Variants in ZNF710 observed in about 807,000 individuals in gnomAD.
ZNF710 encodes the protein zinc finger protein 710.
Under a neutral mutation model 50.6 loss-of-function variants are expected in ZNF710, and 13 were observed. The ratio of observed to expected loss-of-function variants is 0.26; its 90% CI spans 0.17 to 0.41. The LOEUF (loss-of-function observed/expected upper bound fraction) is 0.41. Among genes scored for constraint, ZNF710 ranks in the 10% least tolerant of loss-of-function variants. The pLI is 1.00. For synonymous variants in ZNF710, 383 were observed against 397.0 expected (o/e 0.96, Z 0.42); for missense variants, 721 against 936.6 (o/e 0.77, Z 3.01).
intron 4 of ZNF710, 138 bp from the exon 5 acceptor site, chr15:90,079,522 G>A: frequency 2.8e-6 from 3 of 1,070,298 alleles, no homozygotes; most frequent in Non-Finnish European, 2.7e-6. Flanking sequence ...AGGGTGGGAA[G>A]GCTGAGAGGC....
intron 1 of ZNF710, among the ~76,000 whole-genome samples, chr15:90,046,053 A>T (rs1899450522): frequency 6.6e-6 from 1 of 151,996 alleles, no homozygotes; most frequent in Non-Finnish European, 1.5e-5. Context: ...CAGGGTTCCC[A>T]GGGGCCCCAG....
chr15:90,050,395 G>A (rs960248257), intron 1 of ZNF710, among the ~76,000 whole-genome samples: 6 of 152,162 alleles, frequency 3.9e-5, no homozygotes, highest in African/African-American at 1.2e-4. Flanking sequence ...GCTTCTGTCC[G>A]CTTTCCCTTC....
At chr15:90,077,945 C>T (rs1369191148) in intron 4 of ZNF710, among the ~76,000 whole-genome samples, 2 of 151,946 alleles carry the variant, frequency 1.3e-5, no homozygotes, top group African/African-American at 4.8e-5. Context: ...CAGTGGCTCA[C>T]GCCTGTAATC....
chr15:90,038,846 A>C (rs748259516), intron 1 of ZNF710, among the ~76,000 whole-genome samples: 1 of 152,138 alleles, frequency 6.6e-6, no homozygotes, highest in Non-Finnish European at 1.5e-5. Context: ...AACTCACCTG[A>C]TAATTGCTTC....
chr15:90,071,972 C>A (rs1900406272), intron 2 of ZNF710, among the ~76,000 whole-genome samples: 1 of 152,052 alleles, frequency 6.6e-6, no homozygotes, highest in Non-Finnish European at 1.5e-5. Flanking sequence ...CCGTGCCCGG[C>A]CTTTTTCAAA....
In ZNF710 at chr15:90,002,737, T is replaced by G. The variant is rs190324535; in HGVS notation, c.-29+1123T>G. Among the ~76,000 whole-genome samples the G allele has an allele frequency of 9.2e-5, 14 of 152,348 alleles. No individual in the cohort carries two copies. The East Asian group carries it at 2.7e-3, about 29-fold the overall frequency. On this transcript the variant is annotated intron_variant, in intron 1 of 4. Transcript: ENST00000268154. ...TTTATGGGCGCTGCAACTGCTTCCC[T>G]CCAGTCTAAGCTGTAGTTTGGAAAG...
intron 1 of ZNF710, among the ~76,000 whole-genome samples, chr15:90,033,297 A>T (rs1899002199): frequency 6.6e-5 from 10 of 152,202 alleles, no homozygotes. Context: ...AAGGATTAAG[A>T]TGAATCAAAC....
At chr15:90,022,906 T>A (rs1232361328) in intron 1 of ZNF710, among the ~76,000 whole-genome samples, 1 of 152,222 alleles carries the variant, frequency 6.6e-6, no homozygotes, top group Non-Finnish European at 1.5e-5. Context: ...CATTTGAGAA[T>A]GTAGAAAGCT....
intron 2 of ZNF710, among the ~76,000 whole-genome samples, chr15:90,072,286 A>G (rs1900415320): frequency 6.6e-6 from 1 of 152,278 alleles, no homozygotes; most frequent in Non-Finnish European, 1.5e-5. Flanking sequence ...AAGTCCATCA[A>G]TGATAAGAAT....
Position 90,021,020 on chromosome 15 carries a change from C to G in ZNF710, c.-29+19406C>G, listed in dbSNP as rs965407310. On this transcript the variant is annotated intron_variant, in intron 1 of 4. Coordinates refer to ENST00000268154, the MANE Select transcript of ZNF710 (RefSeq NM_198526.4). Reference sequence around the variant, plus strand: ...AGAGAGGGTGTGGCACCCCCCCCCCCTTAGCAGCCTGGGGGACGTCAGCTC... The same window carrying G: ...AGAGAGGGTGTGGCACCCCCCCCCCGTTAGCAGCCTGGGGGACGTCAGCTC... 7.5e-5 allele frequency among the ~76,000 whole-genome samples: 11 copies of G among 146,524 alleles called. 1 individual carries two copies. The South Asian group carries it at 1.3e-3, about 18-fold the overall frequency.
chr15:90,029,619 T>A (rs1401440675), intron 1 of ZNF710, among the ~76,000 whole-genome samples: 1 of 151,950 alleles, frequency 6.6e-6, no homozygotes, highest in Non-Finnish European at 1.5e-5. Context: ...AATTTTTTGT[T>A]CTGTTTTGTT....
intron 1 of ZNF710, among the ~76,000 whole-genome samples, chr15:90,021,583 C>T (rs1898624095): frequency 6.6e-6 from 1 of 152,202 alleles, no homozygotes; most frequent in African/African-American, 2.4e-5. Flanking sequence ...CAAACATTTA[C>T]CAACTACCTA....
At position 90,071,314 on chromosome 15, in the gene ZNF710, G is replaced by A. The variant is rs1407205683; in HGVS notation, c.1459-1757G>A. On this transcript the variant is annotated intron_variant, in intron 2 of 4. Transcript: ENST00000268154. The stretch of plus-strand genomic sequence containing the variant: ...CAGAGTGTTAATACTGTGAAGAAAA[G>A]CTGAAAGCAAAAACCAAAGGCTAAT... Among the ~76,000 whole-genome samples, 3 of 146,674 alleles carry A rather than the reference G, an allele frequency of 2.0e-5. No individual in the cohort carries two copies. In the South Asian group the frequency reaches 7.0e-4, roughly 34 times the overall value.
chr15:90,058,085 G>A (rs1899881083), intron 1 of ZNF710, among the ~76,000 whole-genome samples: 1 of 152,152 alleles, frequency 6.6e-6, no homozygotes. Context: ...CAGGTCAGGT[G>A]TAGGTGCACC....
rs1380735754 is a variant in ZNF710, at chr15:90,072,244, G to A, written c.1459-827G>A. 3.3e-5 allele frequency among the ~76,000 whole-genome samples: 5 copies of A among 152,162 alleles called. No homozygotes were observed. The South Asian group carries it at 1.0e-3, about 32-fold the overall frequency. On this transcript the variant is annotated intron_variant, in intron 2 of 4. Coordinates refer to ENST00000268154, the MANE Select transcript of ZNF710 (RefSeq NM_198526.4). ...AGTCCAAACCAGTGGGTTTTCTCCT[G>A]GAATCCATGTCTCCTGGGGGTGAAT...
chr15:90,021,146 G>T lies in ZNF710; in HGVS notation c.-29+19532G>T, dbSNP rs140927661. 3.9e-5 allele frequency among the ~76,000 whole-genome samples: 6 copies of T among 152,318 alleles called. No individual in the cohort carries two copies. In the East Asian group the frequency reaches 1.2e-3, roughly 29 times the overall value. ...CCTGGACCCGCCTTAGCCTTGGGGA[G>T]CTCTCTCAACTGCGTCCTTTGTTGG... On this transcript the variant is annotated intron_variant, in intron 1 of 4. Coordinates refer to ENST00000268154, the MANE Select transcript of ZNF710 (RefSeq NM_198526.4).
At chr15:90,074,081 C>T in intron 3 of ZNF710, 35 bp from the exon 4 acceptor site, 3 of 1,582,140 alleles carry the variant, frequency 1.9e-6, no homozygotes, top group Non-Finnish European at 2.6e-6. Flanking sequence ...AGCAGGTTCC[C>T]CACAGGCTCA....
At chr15:90,027,217 GT>G (rs796681123) in intron 1 of ZNF710, among the ~76,000 whole-genome samples, 10 of 147,954 alleles carry the variant, frequency 6.8e-5, no homozygotes, top group African/African-American at 7.4e-5. Context: ...TTCTTCTTCT[GT>G]TTTTTTTTTG....
intron 1 of ZNF710, among the ~76,000 whole-genome samples, chr15:90,027,121 G>A (rs942566062): frequency 6.6e-6 from 1 of 152,122 alleles, no homozygotes; most frequent in African/African-American, 2.4e-5. Context: ...TTAGGCTAGA[G>A]GTTTATTTCC....
Sources: gnomAD v4.1 joint callset for allele counts (sites outside exome capture counted in the v4.1 genomes callset) on GRCh38, gnomAD v4.1.1 for gene constraint, MANE v1.5 for transcripts, NCBI Gene and HGNC (gene_info 2026-07-23, HGNC 2026-07-21) for gene names.